The following FOXO1 variants were observed in gnomAD, a reference collection of about 807,000 sequenced individuals.
The protein encoded by FOXO1 is forkhead box protein O1.
A neutral mutation model predicts 44.1 loss-of-function variants in FOXO1; 6 were observed. The observed-to-expected ratio is 0.14, with a 90% CI of 0.07 to 0.27. FOXO1 has a LOEUF of 0.27. FOXO1 is among the 10% of genes least tolerant of loss of function. FOXO1 has a pLI of 1.00. For missense variants in FOXO1, 737 were observed against 888.8 expected (o/e 0.83, Z 2.17); for synonymous variants, 380 against 362.7 (o/e 1.05, Z -0.54).
chr13:40,613,539 G>A (rs1483096497), intron 1 of FOXO1, among the ~76,000 whole-genome samples: 2 of 152,178 alleles, frequency 1.3e-5, no homozygotes, highest in African/African-American at 4.8e-5. Context: ...CCCATCTGCA[G>A]TTTGAGTGTT....
At chr13:40,597,288 TG>T (rs1427376833) in intron 1 of FOXO1, among the ~76,000 whole-genome samples, 1 of 152,242 alleles carries the variant, frequency 6.6e-6, no homozygotes, top group Non-Finnish European at 1.5e-5. Context: ...CAAAGGCTAT[TG>T]GAGTTTGTTG....
intron 1 of FOXO1, among the ~76,000 whole-genome samples, chr13:40,654,141 G>A (rs1284398563): frequency 6.6e-6 from 1 of 151,724 alleles, no homozygotes; most frequent in East Asian, 1.9e-4. Context: ...GACCAGCTCT[G>A]TAACTGGAAC....
intron 1 of FOXO1, among the ~76,000 whole-genome samples, chr13:40,624,653 T>G (rs1876729160): frequency 6.6e-6 from 1 of 152,192 alleles, no homozygotes; most frequent in South Asian, 2.1e-4. Flanking sequence ...CATAGGAATT[T>G]AATACTTTTT....
At chr13:40,658,943 C>T in intron 1 of FOXO1, among the ~76,000 whole-genome samples, 1 of 151,876 alleles carries the variant, frequency 6.6e-6, no homozygotes, top group South Asian at 2.1e-4. Flanking sequence ...ACCCGGGAGG[C>T]GGAGCTTGCA....
intron 1 of FOXO1, among the ~76,000 whole-genome samples, chr13:40,578,254 T>TA (rs1452748412): frequency 6.6e-6 from 1 of 152,174 alleles, no homozygotes; most frequent in Non-Finnish European, 1.5e-5. Flanking sequence ...AGTCCATCCC[T>TA]AAGCCAATAA....
chr13:40,572,674 T>TGA (rs1874581939), intron 1 of FOXO1, among the ~76,000 whole-genome samples: 2 of 152,234 alleles, frequency 1.3e-5, no homozygotes, highest in Non-Finnish European at 2.9e-5. Context: ...CCAAATGGGT[T>TGA]GACCCAATAA....
At position 40,557,205 on chromosome 13, in the gene FOXO1, C is replaced by T. The variant is rs969617815; in HGVS notation, c.*1844G>A. 1 of 152,196 alleles carries T rather than the reference C, an allele frequency of 6.6e-6. No individual in the cohort carries two copies. The allele number at this position is 152,196 out of a possible 1,614,324, so 9.4% of individuals were successfully genotyped here. On this transcript the variant is annotated 3_prime_UTR_variant, in exon 3 of 3. Transcript: ENST00000379561. ...GGGCTATATACAGAAAAATTAGATCCTTCTCAAGAACACAAGAGGAACAGT... is the reference window on the plus strand; with the variant it reads ...GGGCTATATACAGAAAAATTAGATCTTTCTCAAGAACACAAGAGGAACAGT...
Position 40,606,930 on chromosome 13 carries a change from T to C in FOXO1, c.631-46070A>G, listed in dbSNP as rs573522055. ...TCAGGTAAAGACCAAAGTCATATCA[T>C]GCAATGCTCTCAGATCTAACCCTGT... On this transcript the variant is annotated intron_variant, in intron 1 of 2. Transcript: ENST00000379561. 3.3e-5 allele frequency among the ~76,000 whole-genome samples: 5 copies of C among 152,224 alleles called. No homozygotes were observed. In the East Asian group the frequency reaches 9.6e-4, roughly 29 times the overall value.
chr13:40,666,440 G>C lies in FOXO1; in HGVS notation c.-228C>G. On this transcript the variant is annotated 5_prime_UTR_variant, in exon 1 of 3. Transcript: ENST00000379561. ...CGAGGCTCCTCGGGGTCCGCCGCACGGACTGGACGGCCGGCCAGAGCCGCC... is the reference window on the plus strand; with the variant it reads ...CGAGGCTCCTCGGGGTCCGCCGCACCGACTGGACGGCCGGCCAGAGCCGCC... The C allele has an allele frequency of 2.6e-6, 1 of 392,006 alleles. No individual in the cohort carries two copies. Among genetic ancestry groups the C allele is most frequent in the East Asian group, 3.7e-5 (1 of 26,712 alleles). 24.3% of individuals were successfully genotyped at this position (392,006 alleles called of 1,614,324 possible).
chr13:40,658,547 G>C (rs1403681821), intron 1 of FOXO1, among the ~76,000 whole-genome samples: 2 of 152,156 alleles, frequency 1.3e-5, no homozygotes, highest in Admixed American at 6.5e-5. Flanking sequence ...CAGAGAGTAA[G>C]TTACCTAAGA....
At chr13:40,571,031 T>A (rs1348606694) in intron 1 of FOXO1, among the ~76,000 whole-genome samples, 1 of 152,168 alleles carries the variant, frequency 6.6e-6, no homozygotes, top group Non-Finnish European at 1.5e-5. Flanking sequence ...CACACTGTCA[T>A]ACGCTTGGGT....
chr13:40,636,327 T>G (rs997080633), intron 1 of FOXO1, among the ~76,000 whole-genome samples: 3 of 152,130 alleles, frequency 2.0e-5, no homozygotes. Flanking sequence ...CTCCATTTCC[T>G]GACCTGTAAA....
chr13:40,604,195 AG>A lies in FOXO1; in HGVS notation c.631-43336del, dbSNP rs200719943. Among the ~76,000 whole-genome samples the A allele has an allele frequency of 2.6e-4, 40 of 152,166 alleles. No individual in the cohort carries two copies. In the East Asian group the frequency reaches 7.1e-3, roughly 27 times the overall value. ...AATTTCCACTAAGGAAAAAAAAAAA[AG>A]AAGACAAGACATGCCACCTAGAAGC... On this transcript the variant is annotated intron_variant, in intron 1 of 2. Coordinates refer to ENST00000379561, the MANE Select transcript of FOXO1 (RefSeq NM_002015.4).
intron 1 of FOXO1, among the ~76,000 whole-genome samples, chr13:40,638,541 C>A (rs1345019032): frequency 6.6e-6 from 1 of 151,948 alleles, no homozygotes; most frequent in African/African-American, 2.4e-5. Context: ...GATTTGGGGG[C>A]GAGAGACTAA....
chr13:40,580,256 C>T (rs940930259), intron 1 of FOXO1, among the ~76,000 whole-genome samples: 4 of 152,124 alleles, frequency 2.6e-5, no homozygotes, highest in African/African-American at 9.7e-5. Flanking sequence ...GTTTATACAA[C>T]ACACACACAC....
At chr13:40,631,147 T>C (rs975315683) in intron 1 of FOXO1, among the ~76,000 whole-genome samples, 7 of 152,216 alleles carry the variant, frequency 4.6e-5, no homozygotes, top group African/African-American at 1.7e-4. Context: ...CTTAGAGTCC[T>C]GCAGGGTGGA....
At chr13:40,623,832 T>A (rs1046360257) in intron 1 of FOXO1, among the ~76,000 whole-genome samples, 46 of 150,722 alleles carry the variant, frequency 3.1e-4, no homozygotes, top group African/African-American at 1.1e-3. Flanking sequence ...CCAGGCATGG[T>A]GGCTCACGCC....
chr13:40,656,513 A>G (rs1015549346), intron 1 of FOXO1, among the ~76,000 whole-genome samples: 1 of 152,240 alleles, frequency 6.6e-6, no homozygotes, highest in Non-Finnish European at 1.5e-5. Flanking sequence ...TACATTGTAA[A>G]TGCCAACTAT....
intron 1 of FOXO1, among the ~76,000 whole-genome samples, chr13:40,600,113 T>C (rs1327840680): frequency 6.6e-6 from 1 of 152,120 alleles, no homozygotes; most frequent in East Asian, 1.9e-4. Context: ...ACCTAAAAAA[T>C]TATGGTAAGT....
Sources: gnomAD v4.1 joint callset for allele counts (sites outside exome capture counted in the v4.1 genomes callset) on GRCh38, gnomAD v4.1.1 for gene constraint, MANE v1.5 for transcripts, NCBI Gene and HGNC (gene_info 2026-07-23, HGNC 2026-07-21) for gene names.